Variants in ERBB4 observed in about 807,000 individuals in gnomAD.
ERBB4 encodes erb-b2 receptor tyrosine kinase 4.
A neutral mutation model predicts 158.0 loss-of-function variants in ERBB4; 42 were observed. That is an observed-to-expected ratio of 0.27 (90% confidence interval 0.21 to 0.34). The LOEUF (loss-of-function observed/expected upper bound fraction) is 0.34, where lower values mean the gene tolerates loss of function less well. ERBB4 is among the 10% of genes least tolerant of loss of function. ERBB4 has a pLI of 1.00. For synonymous variants in ERBB4, 583 were observed against 558.7 expected, an observed-to-expected ratio of 1.04 and a Z score of -0.61; for missense variants, 1,333 against 1,624.1, an observed-to-expected ratio of 0.82 and a Z score of 3.08.
At chr2:212,312,515 G>A (rs912624873) in intron 1 of ERBB4, among the ~76,000 whole-genome samples, 8 of 150,802 alleles carry the variant, frequency 5.3e-5, no homozygotes, top group African/African-American at 1.9e-4. Context: ...TACTGATATT[G>A]TTGGCAAGTA....
chr2:211,420,349 A>G, intron 25 of ERBB4, 92 bp downstream of exon 25: 2 of 890,362 alleles, frequency 2.2e-6, no homozygotes, highest in Admixed American at 2.0e-5. Context: ...GATTTGAGCT[A>G]TATAATTATT....
At chr2:211,741,634 C>T (rs1301294548) in intron 5 of ERBB4, among the ~76,000 whole-genome samples, 1 of 152,098 alleles carries the variant, frequency 6.6e-6, no homozygotes, top group Non-Finnish European at 1.5e-5. Flanking sequence ...CAACATTCCT[C>T]ACCTTTGTCT....
chr2:211,574,229 A>G (rs1227563271), intron 19 of ERBB4, among the ~76,000 whole-genome samples: 1 of 152,158 alleles, frequency 6.6e-6, no homozygotes, highest in Non-Finnish European at 1.5e-5. Context: ...AACTGACAGA[A>G]AACAGTTTTG....
intron 1 of ERBB4, among the ~76,000 whole-genome samples, chr2:212,425,906 T>C (rs1039459259): frequency 2.0e-5 from 3 of 151,996 alleles, no homozygotes; most frequent in Non-Finnish European, 4.4e-5. Flanking sequence ...AAAATCAAAT[T>C]ATTAACATGC....
chr2:211,690,345 C>G lies in ERBB4; in HGVS notation c.1490-11161G>C, dbSNP rs554295582. The stretch of plus-strand genomic sequence containing the variant: ...CTCTGCTAAAGGTGACAGCACTTTA[C>G]AGTAAGTGGAAGGGTAAAGGCTGAC... On this transcript the variant is annotated intron_variant, in intron 12 of 27. Coordinates refer to ENST00000342788, the MANE Select transcript of ERBB4 (RefSeq NM_005235.3). Among the ~76,000 whole-genome samples the G allele has an allele frequency of 1.1e-4, 17 of 152,204 alleles. No homozygotes were observed. In the East Asian group the frequency reaches 3.3e-3, roughly 29 times the overall value.
chr2:211,382,049 G>T lies in ERBB4; in HGVS notation c.*1566C>A, dbSNP rs2062581970. On this transcript the variant is annotated 3_prime_UTR_variant, in exon 28 of 28. Transcript: ENST00000342788. ...ATATGAAGAAAGGGAATTATATAAA[G>T]TATCAAAAGATTAGTGTGTTGGATA... is the stretch of plus-strand genomic sequence containing the variant. The T allele has an allele frequency of 8.7e-6, 2 of 229,176 alleles. No individual in the cohort carries two copies. The highest frequency in any genetic ancestry group is 8.7e-6 in the Non-Finnish European group (1 of 115,584). The allele number at this position is 229,176 out of a possible 1,614,324, so 14.2% of individuals were successfully genotyped here.
chr2:211,605,737 G>A (rs1306471125), intron 19 of ERBB4, among the ~76,000 whole-genome samples: 2 of 152,052 alleles, frequency 1.3e-5, no homozygotes, highest in African/African-American at 4.8e-5. Context: ...CATGCCAGAA[G>A]TATAAAAATA....
Position 211,431,490 on chromosome 2 carries a change from G to A in ERBB4, c.2488-390C>T, listed in dbSNP as rs549271849. Among the ~76,000 whole-genome samples the A allele has an allele frequency of 5.3e-5, 8 of 152,016 alleles. No homozygotes were observed. In the South Asian group the frequency reaches 6.2e-4, roughly 12 times the overall value. On this transcript the variant is annotated intron_variant, in intron 20 of 27. Transcript: ENST00000342788. The stretch of plus-strand genomic sequence containing the variant: ...TCCTTCTCAATAACTTCTGCTTCAC[G>A]TCATCTTCCCCCTACACATCCAAAC...
At chr2:212,022,893 T>A (rs975529279) in intron 2 of ERBB4, among the ~76,000 whole-genome samples, 1 of 152,178 alleles carries the variant, frequency 6.6e-6, no homozygotes, top group Non-Finnish European at 1.5e-5. Flanking sequence ...TTTATGCAAT[T>A]AGATGACACT....
At chr2:212,190,533 T>G (rs2082157236) in intron 1 of ERBB4, among the ~76,000 whole-genome samples, 1 of 28,772 alleles carries the variant, frequency 3.5e-5, no homozygotes, top group African/African-American at 8.8e-5. Flanking sequence ...CGAGACTCCG[T>G]CTCAAAAAAA....
chr2:212,525,822 G>A (rs1477886615), intron 1 of ERBB4, among the ~76,000 whole-genome samples: 1 of 151,962 alleles, frequency 6.6e-6, no homozygotes, highest in Non-Finnish European at 1.5e-5. Context: ...GCAGGTGAAT[G>A]ACTACTTTTA....
intron 3 of ERBB4, among the ~76,000 whole-genome samples, chr2:211,794,296 C>G: frequency 6.6e-6 from 1 of 151,862 alleles, no homozygotes; most frequent in Non-Finnish European, 1.5e-5. Context: ...AGAGTTCCCC[C>G]TTCCTCTAAC....
Position 211,387,127 on chromosome 2 carries a change from T to A in ERBB4, c.3207A>T (p.Gly1069=), listed in dbSNP as rs878958827. The A allele has an allele frequency of 1.2e-6, 2 of 1,613,440 alleles. No homozygotes were observed. The highest frequency in any genetic ancestry group is 2.2e-5 in the East Asian group (1 of 44,882). Residue 1069 remains glycine (G), a synonymous_variant, in exon 27 of 28, where the codon GGA becomes GGT. Coordinates refer to ENST00000342788, the MANE Select transcript of ERBB4 (RefSeq NM_005235.3). ...ACACTCCTTGTTCAGCAGCAAAACC[T>A]CCATCTCGGTATACAAACTGGTTCT... ...MSGNQFVYRD[G]GFAAEQGVSV...
intron 2 of ERBB4, among the ~76,000 whole-genome samples, chr2:212,036,557 C>T (rs1011895446): frequency 4.0e-5 from 6 of 151,808 alleles, no homozygotes; most frequent in Admixed American, 2.0e-4. Context: ...CTCCATCTCC[C>T]GGGTTCACGT....
intron 12 of ERBB4, among the ~76,000 whole-genome samples, chr2:211,698,623 AAATC>A (rs778330191): frequency 1.8e-4 from 28 of 152,146 alleles, no homozygotes; most frequent in Middle Eastern, 3.4e-3. Context: ...TTTATTTTGA[AAATC>A]AATAATGAAT....
chr2:211,940,356 A>C (rs913599197), intron 3 of ERBB4, among the ~76,000 whole-genome samples: 1 of 152,118 alleles, frequency 6.6e-6, no homozygotes, highest in African/African-American at 2.4e-5. Context: ...CTAAACACCA[A>C]AGCAAACAAG....
At chr2:212,142,687 G>T (rs575070312) in intron 1 of ERBB4, among the ~76,000 whole-genome samples, 5 of 150,316 alleles carry the variant, frequency 3.3e-5, no homozygotes, top group African/African-American at 1.2e-4. Flanking sequence ...CAGAGAACAT[G>T]AATTCTCAAA....
intron 1 of ERBB4, among the ~76,000 whole-genome samples, chr2:212,438,996 A>T (rs971403090): frequency 6.6e-6 from 1 of 152,264 alleles, no homozygotes; most frequent in Middle Eastern, 3.4e-3. Flanking sequence ...TTTACAATAA[A>T]TTGTGTTAGA....
chr2:212,055,488 G>T (rs1312581491), intron 2 of ERBB4, among the ~76,000 whole-genome samples: 1 of 152,230 alleles, frequency 6.6e-6, no homozygotes, highest in African/African-American at 2.4e-5. Flanking sequence ...CCCTCAAGTG[G>T]GTACCTGACC....
Sources: allele counts gnomAD v4.1 joint callset (sites outside exome capture counted in the v4.1 genomes callset), GRCh38; gene constraint gnomAD v4.1.1; transcripts MANE v1.5; gene names NCBI Gene and HGNC (gene_info 2026-07-23, HGNC 2026-07-21).